Variants in RNF220 observed in about 807,000 individuals in gnomAD.
The protein encoded by RNF220 is ring finger protein 220, also known as E3 ubiquitin-protein ligase RNF220.
RNF220 carries 7 observed loss-of-function variants against 67.1 expected under a neutral mutation model. The ratio of observed to expected loss-of-function variants is 0.10; its 90% CI spans 0.06 to 0.20. RNF220 has a LOEUF of 0.20. RNF220 is among the 10% of genes least tolerant of loss of function. The probability of loss-of-function intolerance (pLI) is 1.00; values close to 1 mark genes in which losing one functional copy is unlikely to be tolerated. For synonymous variants in RNF220, 270 were observed against 283.2 expected, an observed-to-expected ratio of 0.95 and a Z score of 0.47; for missense variants, 565 against 740.3, an observed-to-expected ratio of 0.76 and a Z score of 2.75.
At chr1:44,605,082 C>T (rs903366583) in intron 2 of RNF220, among the ~76,000 whole-genome samples, 15 of 151,944 alleles carry the variant, frequency 9.9e-5, no homozygotes, top group Admixed American at 2.6e-4. Context: ...TGGTGGATCA[C>T]GAGGTCAGGA....
At chr1:44,529,167 T>C (rs1053099125) in intron 2 of RNF220, among the ~76,000 whole-genome samples, 3 of 152,206 alleles carry the variant, frequency 2.0e-5, no homozygotes, top group Admixed American at 6.5e-5. Flanking sequence ...GTATTATTTA[T>C]AGCAGAGAAA....
chr1:44,640,645 A>G (rs534088799), intron 8 of RNF220, among the ~76,000 whole-genome samples: 3 of 152,010 alleles, frequency 2.0e-5, no homozygotes, highest in Non-Finnish European at 2.9e-5. Context: ...ACACACGCCA[A>G]CTCCCTGCCT....
chr1:44,573,968 A>G lies in RNF220; in HGVS notation c.626-40197A>G, dbSNP rs923344542. On this transcript the variant is annotated intron_variant, in intron 2 of 14. Transcript: ENST00000361799. ...ATCTCTACAAAAAATACCAAAAAAT[A>G]TGAGCTGGGCGTGGTGGTGCACACC... 3.3e-5 allele frequency among the ~76,000 whole-genome samples: 5 copies of G among 151,786 alleles called. No homozygotes were observed. In the East Asian group the frequency reaches 7.7e-4, roughly 23 times the overall value.
Position 44,645,141 on chromosome 1 carries a change from G to A in RNF220, c.1310+60G>A, listed in dbSNP as rs562364858. 152 of 1,612,518 alleles carry A rather than the reference G, an allele frequency of 9.4e-5. No individual in the cohort carries two copies. In the African/African-American group the frequency reaches 1.8e-3, roughly 19 times the overall value. On this transcript the variant is annotated intron_variant, in intron 10 of 14. Coordinates refer to ENST00000361799, the MANE Select transcript of RNF220 (RefSeq NM_018150.4). This position sits in a 1 kb window ranked among gnomAD's most constrained non-coding sequence, Gnocchi z 5.0. The stretch of plus-strand genomic sequence containing the variant: ...GAGAAACAGGAAGCCCTGAGGCAGG[G>A]GTTAACGCAGTACTGACCCTCAGGG...
chr1:44,481,739 A>G (rs907070372), intron 2 of RNF220, among the ~76,000 whole-genome samples: 1 of 152,250 alleles, frequency 6.6e-6, no homozygotes, highest in African/African-American at 2.4e-5. Context: ...ATGTGGAATC[A>G]AGAGAGAGAA....
chr1:44,435,553 C>T (rs890339645), intron 2 of RNF220, among the ~76,000 whole-genome samples: 5 of 152,156 alleles, frequency 3.3e-5, no homozygotes, highest in Non-Finnish European at 7.3e-5. Context: ...AAGAGGAACA[C>T]TTGGGACCTT....
chr1:44,588,365 G>A (rs372410224), intron 2 of RNF220, among the ~76,000 whole-genome samples: 4 of 152,296 alleles, frequency 2.6e-5, no homozygotes, highest in East Asian at 3.9e-4. Context: ...GCACCAGCAC[G>A]GCCAGTAGGC....
chr1:44,624,277 G>A lies in RNF220; in HGVS notation c.804+1490G>A, dbSNP rs921716812. The stretch of plus-strand genomic sequence containing the variant: ...AAAGTCAGAGACAAGCTTCCAAGTC[G>A]GCCACCACAGGTGACAGCTGACACC... On this transcript the variant is annotated intron_variant, in intron 4 of 14. Transcript: ENST00000361799. This position sits in a 1 kb window ranked among gnomAD's most constrained non-coding sequence, Gnocchi z 4.2. 1.2e-4 allele frequency among the ~76,000 whole-genome samples: 19 copies of A among 152,254 alleles called. No homozygotes were observed. Among genetic ancestry groups the A allele is most frequent in the African/African-American group, 4.1e-4 (17 of 41,550 alleles).
At chr1:44,434,493 G>C (rs1650740180) in intron 2 of RNF220, among the ~76,000 whole-genome samples, 1 of 152,072 alleles carries the variant, frequency 6.6e-6, no homozygotes, top group Non-Finnish European at 1.5e-5. Flanking sequence ...CGGATCACGA[G>C]GTCAGGAGAT....
chr1:44,501,602 C>A (rs1657887013), intron 2 of RNF220, among the ~76,000 whole-genome samples: 1 of 144,864 alleles, frequency 6.9e-6, no homozygotes, highest in Non-Finnish European at 1.5e-5. Flanking sequence ...AGGACAATTT[C>A]TTTCTTCCTT....
chr1:44,602,125 A>G (rs1412091769), intron 2 of RNF220, among the ~76,000 whole-genome samples: 1 of 152,118 alleles, frequency 6.6e-6, no homozygotes, highest in Non-Finnish European at 1.5e-5. Context: ...GTTGATGACA[A>G]GGATCTCCAG....
intron 2 of RNF220, among the ~76,000 whole-genome samples, chr1:44,468,182 C>T (rs1654455402): frequency 6.6e-6 from 1 of 151,874 alleles, no homozygotes; most frequent in Non-Finnish European, 1.5e-5. Flanking sequence ...TTGCCACAAA[C>T]CTTCAATTTG....
At chr1:44,583,415 A>C (rs943667062) in intron 2 of RNF220, among the ~76,000 whole-genome samples, 1 of 152,088 alleles carries the variant, frequency 6.6e-6, no homozygotes, top group African/African-American at 2.4e-5. Context: ...TTTTAGCTTC[A>C]TTTTCATAGC....
At chr1:44,608,265 G>A (rs56061701) in intron 2 of RNF220, among the ~76,000 whole-genome samples, 31,732 of 152,050 alleles carry the variant, frequency 0.21, 3,776 homozygotes, top group Middle Eastern at 0.38. Flanking sequence ...GGGGACAATC[G>A]TTTCATGTTT....
In RNF220 at chr1:44,649,066, C is replaced by A; in HGVS notation, c.1446-595C>A. On this transcript the variant is annotated intron_variant, in intron 12 of 14. Transcript: ENST00000361799. This position sits in a 1 kb window ranked among gnomAD's most constrained non-coding sequence, Gnocchi z 5.9. ...GAGGCCAAGGCAGTGAAAAAGGTGG[C>A]GTGGATGGTGACACATAGGAGTCGA... 6.2e-6 allele frequency: 1 copy of A among 161,166 alleles called. No homozygotes were observed. Among genetic ancestry groups the A allele is most frequent in the Non-Finnish European group, 1.4e-5 (1 of 73,270 alleles). The allele number at this position is 161,166 out of a possible 1,614,324, so 10.0% of individuals were successfully genotyped here. A position where few individuals can be genotyped will look rare whatever the true frequency, so the allele number is the denominator to read the frequency against.
rs72671927 is a variant in RNF220, at chr1:44,606,228, G to T, written c.626-7937G>T. On this transcript the variant is annotated intron_variant, in intron 2 of 14. Coordinates refer to ENST00000361799, the MANE Select transcript of RNF220 (RefSeq NM_018150.4). The surrounding 1 kb of genome is among the most constrained non-coding windows in gnomAD (Gnocchi z 4.2). The stretch of plus-strand genomic sequence containing the variant: ...CGGAGACTGGGGAATGCCAATATAC[G>T]ATGACAGATCACATATTGATGAAAT... Among the ~76,000 whole-genome samples the T allele has an allele frequency of 6.6e-6, 1 of 152,196 alleles. No homozygotes were observed. Among genetic ancestry groups the T allele is most frequent in the Non-Finnish European group, 1.5e-5 (1 of 68,042 alleles).
intron 2 of RNF220, among the ~76,000 whole-genome samples, chr1:44,508,933 A>G (rs1053347594): frequency 5.9e-5 from 9 of 152,136 alleles, no homozygotes; most frequent in African/African-American, 2.2e-4. Flanking sequence ...GACTCAAGAG[A>G]GATTAATTTT....
In RNF220 at chr1:44,417,535, C is replaced by G. The variant is rs1234607787; in HGVS notation, c.625+4813C>G. 9.2e-5 allele frequency among the ~76,000 whole-genome samples: 14 copies of G among 152,282 alleles called. No homozygotes were observed. Among genetic ancestry groups the G allele is most frequent in the Non-Finnish European group, 4.4e-5 (3 of 68,018 alleles). On this transcript the variant is annotated intron_variant, in intron 2 of 14. Coordinates refer to ENST00000361799, the MANE Select transcript of RNF220 (RefSeq NM_018150.4). The surrounding 1 kb of genome is among the most constrained non-coding windows in gnomAD (Gnocchi z 4.0). ...CCGCTCTTCCCCTGCCCTCGCTCCA[C>G]GCCGCGCCGCTCTGTGCGGCGGCTG...
intron 2 of RNF220, among the ~76,000 whole-genome samples, chr1:44,556,805 A>T (rs150600406): frequency 8.6e-5 from 13 of 151,962 alleles, no homozygotes; most frequent in African/African-American, 2.9e-4. Flanking sequence ...GTGATCCACC[A>T]GCCTCGGCCT....
Sources: allele counts gnomAD v4.1 joint callset (sites outside exome capture counted in the v4.1 genomes callset), GRCh38; gene constraint gnomAD v4.1.1; non-coding constraint Gnocchi (gnomAD v3.1); transcripts MANE v1.5; gene names NCBI Gene and HGNC (gene_info 2026-07-23, HGNC 2026-07-21).